CDKN2B-AS1: variants seen among roughly 807,000 people sequenced by gnomAD.
The protein encoded by CDKN2B-AS1 is CDKN2B and CDKN2A antisense cis and trans regulatory RNA 1, also known as CDKN2B antisense RNA 1 (non-protein coding).
intron 1 of CDKN2B-AS1, among the ~76,000 whole-genome samples, chr9:22,025,641 T>C (rs772987728): frequency 1.3e-5 from 2 of 152,158 alleles, no homozygotes; most frequent in Non-Finnish European, 2.9e-5. Flanking sequence ...TTCCAGTACC[T>C]GGAGGTGTCA....
chr9:22,008,892 G>T (rs754200597), intron 1 of CDKN2B-AS1: 1 of 1,612,538 alleles, frequency 6.2e-7, no homozygotes, highest in African/African-American at 1.3e-5. Flanking sequence ...CCGCGCCGCG[G>T]CGCTGGCCAG....
chr9:22,085,137 T>G (rs961345257), intron 4 of CDKN2B-AS1, among the ~76,000 whole-genome samples: 1 of 152,174 alleles, frequency 6.6e-6, no homozygotes, highest in Non-Finnish European at 1.5e-5. Context: ...CAAAAAGAAC[T>G]TCTATCTATA....
chr9:22,049,116 T>C (rs1265561001), exon 3 of CDKN2B-AS1: 1 of 152,202 alleles, frequency 6.6e-6, no homozygotes, highest in African/African-American at 2.4e-5. Flanking sequence ...GGTTCAAGCA[T>C]CACTGTTAGG....
intron 1 of CDKN2B-AS1, among the ~76,000 whole-genome samples, chr9:22,028,937 T>C (rs896134620): frequency 7.2e-5 from 11 of 152,190 alleles, no homozygotes; most frequent in Admixed American, 4.6e-4. Flanking sequence ...AGATTGATTA[T>C]GGTATAATAC....
At chr9:22,111,942 A>T (rs1825815380) in intron 4 of CDKN2B-AS1, 1 of 152,220 alleles carries the variant, frequency 6.6e-6, no homozygotes, top group African/African-American at 2.4e-5. Flanking sequence ...TCTGATTTTG[A>T]CATGAAAGGA....
chr9:22,068,258 T>C (rs1038527276), intron 4 of CDKN2B-AS1, among the ~76,000 whole-genome samples: 1 of 152,204 alleles, frequency 6.6e-6, no homozygotes, highest in South Asian at 2.1e-4. Context: ...GAAAAGTTGC[T>C]GGACCTCAAG....
chr9:22,094,765 C>G (rs895264812), intron 4 of CDKN2B-AS1, among the ~76,000 whole-genome samples: 1 of 143,778 alleles, frequency 7.0e-6, no homozygotes, highest in African/African-American at 2.9e-5. Flanking sequence ...CGAACTTCCT[C>G]CTTTAGCTTG....
At chr9:22,004,160 A>C (rs1821053699) in intron 1 of CDKN2B-AS1, 1 of 232,364 alleles carries the variant, frequency 4.3e-6, no homozygotes, top group Admixed American at 5.6e-5. Context: ...GTCAATAAAC[A>C]TATCCTTTCC....
chr9:22,002,277 CAT>C lies in CDKN2B-AS1; in HGVS notation n.29+7117_29+7118del, dbSNP rs1398805580. ...CACATTTGCCCCAGTAGGTAGTTCA[CAT>C]GAGTGCTTCTTCAGATAATGTCTCT... On this transcript the variant is annotated intron_variant and non_coding_transcript_variant, in intron 1 of 4. Coordinates refer to ENST00000650946, the Ensembl canonical transcript of CDKN2B-AS1. Among the ~76,000 whole-genome samples, 16 of 152,150 alleles carry C rather than the reference CAT, an allele frequency of 1.1e-4. No homozygotes were observed. In the East Asian group the frequency reaches 1.4e-3, roughly 13 times the overall value.
At chr9:22,115,956 C>A (rs905627784) in intron 4 of CDKN2B-AS1, among the ~76,000 whole-genome samples, 2 of 152,070 alleles carry the variant, frequency 1.3e-5, no homozygotes, top group African/African-American at 2.4e-5. Flanking sequence ...GTTCGGATCC[C>A]TTCAGCTAAG....
intron 1 of CDKN2B-AS1, among the ~76,000 whole-genome samples, chr9:22,011,936 GAA>G (rs1821526532): frequency 6.6e-6 from 1 of 152,170 alleles, no homozygotes; most frequent in Non-Finnish European, 1.5e-5. Flanking sequence ...TGAGAAGAAA[GAA>G]AGAGAAAGTT....
chr9:22,075,329 T>C (rs2131321629), intron 4 of CDKN2B-AS1, among the ~76,000 whole-genome samples: 1 of 152,308 alleles, frequency 6.6e-6, no homozygotes, highest in Admixed American at 6.5e-5. Flanking sequence ...GAATCACACC[T>C]GAGGAGATTG....
At chr9:22,089,965 T>C (rs1825012037) in intron 4 of CDKN2B-AS1, among the ~76,000 whole-genome samples, 1 of 148,356 alleles carries the variant, frequency 6.7e-6, no homozygotes, top group Non-Finnish European at 1.5e-5. Flanking sequence ...CTCCTAATGC[T>C]ATCCCTCCCC....
chr9:22,088,060 G>A (rs1824924414), intron 4 of CDKN2B-AS1, among the ~76,000 whole-genome samples: 1 of 152,134 alleles, frequency 6.6e-6, no homozygotes, highest in South Asian at 2.1e-4. Flanking sequence ...GAGGATATCT[G>A]TTAATATATG....
chr9:22,030,137 T>G (rs985487409), intron 1 of CDKN2B-AS1: 1 of 152,264 alleles, frequency 6.6e-6, no homozygotes, highest in African/African-American at 2.4e-5. Flanking sequence ...GGAGATGTTG[T>G]CTTTTCTTGA....
rs1250901622 is a variant in CDKN2B-AS1, at chr9:21,996,077, A to T, written n.29+916A>T. 1 of 152,362 alleles carries T rather than the reference A, an allele frequency of 6.6e-6. No homozygotes were observed. The highest frequency in any genetic ancestry group is 1.5e-5 in the Non-Finnish European group (1 of 68,172). 9.4% of individuals were successfully genotyped at this position (152,362 alleles called of 1,614,324 possible). A position where few individuals can be genotyped will look rare whatever the true frequency, so the allele number is the denominator to read the frequency against. ...GAGCCGACAGGGCCTTACAGATCAGACGTCAAGCCCCCCAGACCTTACAGG... is the reference window on the plus strand; with the variant it reads ...GAGCCGACAGGGCCTTACAGATCAGTCGTCAAGCCCCCCAGACCTTACAGG... On this transcript the variant is annotated intron_variant and non_coding_transcript_variant, in intron 1 of 4. Transcript: ENST00000650946. This position sits in a 1 kb window ranked among gnomAD's most constrained non-coding sequence, Gnocchi z 5.4.
At chr9:22,076,528 C>T (rs956593197) in intron 4 of CDKN2B-AS1, among the ~76,000 whole-genome samples, 16 of 152,012 alleles carry the variant, frequency 1.1e-4, no homozygotes, top group Non-Finnish European at 2.2e-4. Flanking sequence ...AGGTATACAA[C>T]ACGGTGCTAT....
chr9:22,075,988 C>A, intron 4 of CDKN2B-AS1, among the ~76,000 whole-genome samples: 1 of 152,064 alleles, frequency 6.6e-6, no homozygotes, highest in East Asian at 1.9e-4. Context: ...TTGTGTCTGT[C>A]CTTTTAAAGT....
At chr9:22,081,255 TCA>T (rs1824683172) in intron 4 of CDKN2B-AS1, among the ~76,000 whole-genome samples, 2 of 150,404 alleles carry the variant, frequency 1.3e-5, no homozygotes, top group African/African-American at 4.9e-5. Flanking sequence ...TCCCATGTTA[TCA>T]GATATTTTGT....
Sources: allele counts gnomAD v4.1 joint callset (sites outside exome capture counted in the v4.1 genomes callset), GRCh38; gene constraint gnomAD v4.1.1; non-coding constraint Gnocchi (gnomAD v3.1); transcripts MANE v1.5; gene names NCBI Gene and HGNC (gene_info 2026-07-23, HGNC 2026-07-21).